Variants in FIGLA observed in about 807,000 individuals in gnomAD.
The protein encoded by FIGLA is factor in the germline alpha.
In FIGLA, 17 loss-of-function variants were observed where a neutral mutation model predicts 21.5. That is an observed-to-expected ratio of 0.79 (90% confidence interval 0.54 to 1.19). FIGLA has a LOEUF of 1.19. FIGLA is among the 50% of genes most tolerant of loss of function. FIGLA has a pLI of 0.00. For synonymous variants in FIGLA, 129 were observed against 117.6 expected (o/e 1.10, Z -0.63); for missense variants, 282 against 285.0 (o/e 0.99, Z 0.08).
At chr2:70,778,911 CA>C (rs1370480113) in intron 3 of FIGLA, among the ~76,000 whole-genome samples, 1 of 152,186 alleles carries the variant, frequency 6.6e-6, no homozygotes, top group East Asian at 1.9e-4. Flanking sequence ...CCCACTGAGC[CA>C]GGCTTGGTGA....
chr2:70,783,104 C>A (rs1011050451), intron 3 of FIGLA, among the ~76,000 whole-genome samples: 15 of 151,622 alleles, frequency 9.9e-5, no homozygotes, highest in African/African-American at 3.6e-4. Context: ...ATGAAAAATC[C>A]TTGACAAAAC....
intron 1 of FIGLA, 39 bp from the exon 2 acceptor site, chr2:70,787,840 A>G: frequency 6.2e-7 from 1 of 1,600,566 alleles, no homozygotes; most frequent in Non-Finnish European, 8.5e-7. Context: ...CAGAGAAGCC[A>G]ATTTGTATAG....
At chr2:70,784,447 T>C (rs1553389568) in intron 3 of FIGLA, among the ~76,000 whole-genome samples, 3 of 152,224 alleles carry the variant, frequency 2.0e-5, no homozygotes, top group Non-Finnish European at 1.5e-5. Context: ...TTGGAGTTAG[T>C]TATCTTATAT....
At chr2:70,786,048 C>T (rs1351628966) in intron 2 of FIGLA, among the ~76,000 whole-genome samples, 4 of 152,172 alleles carry the variant, frequency 2.6e-5, no homozygotes, top group African/African-American at 9.7e-5. Flanking sequence ...TAGCAGTCAC[C>T]TGGCTAGGAC....
In FIGLA at chr2:70,790,531, C is replaced by T. The variant is rs1676043221; in HGVS notation, c.108G>A (p.Pro36=). 2.0e-6 allele frequency: 3 copies of T among 1,537,556 alleles called. No homozygotes were observed. The highest frequency in any genetic ancestry group is 1.2e-5 in the South Asian group (1 of 83,674). The stretch of plus-strand genomic sequence containing the variant: ...GGCAGACAGCGGCCAGCTGGGGCAG[C>T]GGCCCGAACTGCTCCCGCAACACGT... ...LEDVLREQFG[P]LPQLAAVCRL... The change falls in exon 1 of 5, where the codon CCG becomes CCA. Residue 36 remains proline, a synonymous_variant. Coordinates refer to ENST00000332372, the MANE Select transcript of FIGLA (RefSeq NM_001004311.3).
intron 3 of FIGLA, among the ~76,000 whole-genome samples, chr2:70,784,381 T>C (rs1553389561): frequency 1.3e-5 from 2 of 152,368 alleles, no homozygotes. Context: ...GAAGTTGGTA[T>C]CTATCCAAGT....
chr2:70,789,853 T>C (rs1676026117), intron 1 of FIGLA, among the ~76,000 whole-genome samples: 1 of 152,164 alleles, frequency 6.6e-6, no homozygotes, highest in Non-Finnish European at 1.5e-5. Flanking sequence ...AACACTCACT[T>C]TATCTTGACA....
At chr2:70,785,940 C>T (rs559840834) in intron 2 of FIGLA, among the ~76,000 whole-genome samples, 156 of 152,272 alleles carry the variant, frequency 1.0e-3, no homozygotes, top group African/African-American at 3.5e-3. Flanking sequence ...CTAAGGTAGC[C>T]ACCTACACAT....
intron 2 of FIGLA, 143 bp downstream of exon 2, chr2:70,787,506 T>C: frequency 1.1e-6 from 1 of 910,538 alleles, no homozygotes; most frequent in Non-Finnish European, 1.6e-6. Context: ...TTTCCTTCTC[T>C]GTCAAATAAG....
intron 3 of FIGLA, among the ~76,000 whole-genome samples, chr2:70,783,700 ATTTT>A (rs140083581): frequency 1.4e-5 from 2 of 141,710 alleles, no homozygotes; most frequent in African/African-American, 5.2e-5. Flanking sequence ...AGCTCAGGTC[ATTTT>A]TTTTTTTTTT....
chr2:70,778,055 T>C (rs938411994), intron 3 of FIGLA, among the ~76,000 whole-genome samples: 3 of 152,368 alleles, frequency 2.0e-5, no homozygotes, highest in South Asian at 4.1e-4. Context: ...AAACCTATTA[T>C]GTACATCACT....
At position 70,790,469 on chromosome 2, in the gene FIGLA, G is replaced by C; in HGVS notation, c.170C>G (p.Thr57Ser). The change falls in exon 1 of 5, where the codon ACT becomes AGT. Residue 57 changes from threonine to serine, a missense_variant. Physicochemically the swap from Thr to Ser is moderately conservative, Grantham distance 58 (BLOSUM62 1). Coordinates refer to ENST00000332372, the MANE Select transcript of FIGLA (RefSeq NM_001004311.3). Reference protein sequence around the residue: ...KRLPSGGYSSTENLQLVLERR... With the variant: ...KRLPSGGYSSSENLQLVLERR... ...CTCCAGCACCAACTGGAGGTTTTCA[G>C]TGGACGAGTAGCCGCCCGAGGGCAG... is the stretch of plus-strand genomic sequence containing the variant. 6.5e-7 allele frequency: 1 copy of C among 1,545,156 alleles called. No individual in the cohort carries two copies. The highest frequency in any genetic ancestry group is 1.7e-4 in the Middle Eastern group (1 of 5,978).
In FIGLA at chr2:70,790,549, C is replaced by T; in HGVS notation, c.90G>A (p.Leu30=). Residue 30 remains leucine, a synonymous_variant, in exon 1 of 5, where the codon TTG becomes TTA. Transcript: ENST00000332372. ...TPQAEVLEDV[L]REQFGPLPQL... Reference sequence around the variant, plus strand: ...GGGGCAGCGGCCCGAACTGCTCCCGCAACACGTCCTCCAGCACCTCGGCTT... The same window carrying T: ...GGGGCAGCGGCCCGAACTGCTCCCGTAACACGTCCTCCAGCACCTCGGCTT... The T allele has an allele frequency of 6.5e-7, 1 of 1,532,878 alleles. No individual in the cohort carries two copies. Among genetic ancestry groups the T allele is most frequent in the Non-Finnish European group, 8.7e-7 (1 of 1,144,672 alleles). 95.0% of individuals were successfully genotyped at this position (1,532,878 alleles called of 1,614,324 possible). A position where few individuals can be genotyped will look rare whatever the true frequency, so the allele number is the denominator to read the frequency against.
chr2:70,778,013 G>A (rs1476785690), intron 3 of FIGLA, among the ~76,000 whole-genome samples: 11 of 152,132 alleles, frequency 7.2e-5, no homozygotes, highest in Non-Finnish European at 1.5e-4. Flanking sequence ...AAATAAAGCC[G>A]CTCAAGTCAT....
chr2:70,777,746 G>A, intron 3 of FIGLA, 75 bp from the exon 4 acceptor site: 2 of 737,518 alleles, frequency 2.7e-6, no homozygotes, highest in Non-Finnish European at 4.5e-6. Context: ...ACAAAAAACT[G>A]AGAACATAGT....
rs1553389810 is a variant in FIGLA, at chr2:70,785,473, T to A, written c.551A>T (p.His184Leu). ...WADGGSGEPAHACRHSVMSTT... is the reference protein window; with the variant it reads ...WADGGSGEPALACRHSVMSTT... Reference sequence around the variant, plus strand: ...AGACATCACACTGTGGCGACAAGCGTGTGCTGGCTCACCACTGCCACCATC... The same window carrying A: ...AGACATCACACTGTGGCGACAAGCGAGTGCTGGCTCACCACTGCCACCATC... Residue 184 changes from histidine to leucine, a missense_variant, in exon 3 of 5, where the codon CAC becomes CTC. Coordinates refer to ENST00000332372, the MANE Select transcript of FIGLA (RefSeq NM_001004311.3). 1.2e-6 allele frequency: 2 copies of A among 1,614,036 alleles called. No homozygotes were observed. Among genetic ancestry groups the A allele is most frequent in the South Asian group, 2.2e-5 (2 of 91,078 alleles).
In FIGLA at chr2:70,784,984, T is replaced by C. The variant is rs373059942; in HGVS notation, c.609+431A>G. ...AAGTATCACCAAACATGCATCTTTA[T>C]GTATGGCAAGCTACTTACTTCTTTT... is the stretch of plus-strand genomic sequence containing the variant. On this transcript the variant is annotated intron_variant, in intron 3 of 4. Transcript: ENST00000332372. Among the ~76,000 whole-genome samples the C allele has an allele frequency of 6.6e-5, 10 of 151,652 alleles. No individual in the cohort carries two copies. The South Asian group carries it at 2.1e-3, about 32-fold the overall frequency.
intron 3 of FIGLA, among the ~76,000 whole-genome samples, chr2:70,780,897 A>G (rs1574349742): frequency 6.6e-6 from 1 of 152,140 alleles, no homozygotes; most frequent in South Asian, 2.1e-4. Flanking sequence ...TGAGGGGCAT[A>G]TTCACATGGG....
At chr2:70,785,684 G>T (rs1553389904) in intron 2 of FIGLA, 45 bp from the exon 3 acceptor site, 2 of 1,441,156 alleles carry the variant, frequency 1.4e-6, no homozygotes, top group Admixed American at 1.7e-5. Context: ...ATGACAGAAA[G>T]ATTTTGATGA....
Sources: gnomAD v4.1 joint callset for allele counts (sites outside exome capture counted in the v4.1 genomes callset) on GRCh38, gnomAD v4.1.1 for gene constraint, MANE v1.5 for transcripts, NCBI Gene and HGNC (gene_info 2026-07-23, HGNC 2026-07-21) for gene names.